AGTR1: variants seen among roughly 807,000 people sequenced by gnomAD.
AGTR1 encodes angiotensin II receptor type 1, also known as type-1 angiotensin II receptor.
AGTR1 carries 16 observed loss-of-function variants against 19.4 expected under a neutral mutation model. The ratio of observed to expected loss-of-function variants is 0.82; its 90% CI spans 0.56 to 1.25. AGTR1 has a LOEUF of 1.25. Among genes scored for constraint, AGTR1 ranks in the 50% most tolerant of loss-of-function variants. The pLI is 0.00. For synonymous variants in AGTR1, 153 were observed against 154.9 expected (o/e 0.99, Z 0.09); for missense variants, 373 against 431.9 (o/e 0.86, Z 1.21).
intron 1 of AGTR1, among the ~76,000 whole-genome samples, chr3:148,699,007 A>G (rs910307242): frequency 2.6e-5 from 4 of 150,978 alleles, no homozygotes; most frequent in African/African-American, 7.3e-5. Flanking sequence ...TTGGGCAACC[A>G]TTTGTGACCT....
At chr3:148,710,141 C>T (rs924843066) in intron 2 of AGTR1, among the ~76,000 whole-genome samples, 1 of 152,116 alleles carries the variant, frequency 6.6e-6, no homozygotes, top group Non-Finnish European at 1.5e-5. Flanking sequence ...CTGCTGTAAA[C>T]ACACTTATTA....
At chr3:148,725,414 T>C (rs1204203725) in intron 2 of AGTR1, among the ~76,000 whole-genome samples, 1 of 152,220 alleles carries the variant, frequency 6.6e-6, no homozygotes, top group Non-Finnish European at 1.5e-5. Context: ...TCTAACTTCA[T>C]TATAATCAAT....
intron 2 of AGTR1, among the ~76,000 whole-genome samples, chr3:148,721,788 A>G (rs540956690): frequency 2.6e-5 from 4 of 152,234 alleles, no homozygotes; most frequent in Non-Finnish European, 5.9e-5. Context: ...CTTGTGCTTC[A>G]GTGCATGTGG....
In AGTR1 at chr3:148,718,432, T is replaced by C. The variant is rs532450589; in HGVS notation, c.-48+10405T>C. ...GTAAATGGGATGCCTCATGTTCAGG[T>C]TTCTGGAAGGCTCAGAGCCTGGGCT... On this transcript the variant is annotated intron_variant, in intron 2 of 2. Coordinates refer to ENST00000349243, the MANE Select transcript of AGTR1 (RefSeq NM_000685.5). Among the ~76,000 whole-genome samples the C allele has an allele frequency of 2.1e-4, 32 of 152,276 alleles. No homozygotes were observed. The South Asian group carries it at 5.6e-3, about 27-fold the overall frequency.
At chr3:148,738,908 T>C (rs2107970974) in intron 2 of AGTR1, among the ~76,000 whole-genome samples, 1 of 152,322 alleles carries the variant, frequency 6.6e-6, no homozygotes, top group Non-Finnish European at 1.5e-5. Context: ...ATTCAGTCAC[T>C]CATTCATGAG....
At chr3:148,725,691 C>A (rs1464925526) in intron 2 of AGTR1, among the ~76,000 whole-genome samples, 1 of 152,066 alleles carries the variant, frequency 6.6e-6, no homozygotes, top group Non-Finnish European at 1.5e-5. Flanking sequence ...CCATGTTGGC[C>A]AGGCTGGTCT....
chr3:148,709,125 T>C lies in AGTR1; in HGVS notation c.-48+1098T>C, dbSNP rs949645667. ...GTTTTGTTTTGGGAGGTTTTTTTTC[T>C]GATTTTGTTTTTTTCAGGTATAGCG... is the stretch of plus-strand genomic sequence containing the variant. On this transcript the variant is annotated intron_variant, in intron 2 of 2. Transcript: ENST00000349243. Among the ~76,000 whole-genome samples the C allele has an allele frequency of 3.9e-5, 6 of 151,996 alleles. No individual in the cohort carries two copies. The East Asian group carries it at 1.2e-3, about 29-fold the overall frequency.
intron 2 of AGTR1, among the ~76,000 whole-genome samples, chr3:148,710,655 ACTT>A (rs1450120043): frequency 3.3e-5 from 5 of 152,170 alleles, no homozygotes; most frequent in African/African-American, 7.2e-5. Context: ...GGGGTAGAAT[ACTT>A]CTTATTTTAT....
At chr3:148,724,528 T>A (rs137897088) in intron 2 of AGTR1, among the ~76,000 whole-genome samples, 139 of 152,346 alleles carry the variant, frequency 9.1e-4, no homozygotes, top group African/African-American at 3.2e-3. Flanking sequence ...TAATTGTGTA[T>A]GTTTACCAGA....
chr3:148,726,893 GA>G (rs1713976580), intron 2 of AGTR1, among the ~76,000 whole-genome samples: 1 of 152,192 alleles, frequency 6.6e-6, no homozygotes, highest in Admixed American at 6.5e-5. Flanking sequence ...CATAGTAAGA[GA>G]ATAGAGTTCT....
intron 2 of AGTR1, among the ~76,000 whole-genome samples, chr3:148,714,536 A>G (rs879291615): frequency 3.9e-5 from 6 of 152,154 alleles, no homozygotes; most frequent in Admixed American, 2.6e-4. Context: ...CAAGTATTGA[A>G]GAGTATGAAC....
chr3:148,742,201 A>C lies in AGTR1; in HGVS notation c.*86A>C, dbSNP rs5186. ...TGCAGCACTTCACTACCAAATGAGC[A>C]TTAGCTACTTTTCAGAATTGAAGGA... On this transcript the variant is annotated 3_prime_UTR_variant, in exon 3 of 3. Coordinates refer to ENST00000349243, the MANE Select transcript of AGTR1 (RefSeq NM_000685.5). 0.26 allele frequency: 405,027 copies of C among 1,538,798 alleles called. 58,749 individuals are homozygous for C. The highest frequency in any genetic ancestry group is 0.3 in the Non-Finnish European group (334,721 of 1,112,328).
chr3:148,731,742 T>C (rs1714268645), intron 2 of AGTR1, among the ~76,000 whole-genome samples: 1 of 152,224 alleles, frequency 6.6e-6, no homozygotes, highest in African/African-American at 2.4e-5. Context: ...AGCAGACTCT[T>C]TGCCAGGACA....
intron 2 of AGTR1, among the ~76,000 whole-genome samples, chr3:148,730,662 G>T (rs1348725891): frequency 6.6e-6 from 1 of 152,182 alleles, no homozygotes; most frequent in African/African-American, 2.4e-5. Context: ...TGCCTACAGG[G>T]CAGTGCTTTT....
chr3:148,702,941 T>C (rs1387873610), intron 1 of AGTR1, among the ~76,000 whole-genome samples: 1 of 152,234 alleles, frequency 6.6e-6, no homozygotes, highest in Non-Finnish European at 1.5e-5. Context: ...AATGACAAAT[T>C]TGATGCTTTT....
intron 2 of AGTR1, chr3:148,739,883 C>T (rs1714776754): frequency 1.6e-6 from 2 of 1,231,954 alleles, no homozygotes; most frequent in East Asian, 3.2e-5. Context: ...GTGCCCAGCA[C>T]CACTGCCCAC....
At chr3:148,710,911 T>C (rs1341605017) in intron 2 of AGTR1, among the ~76,000 whole-genome samples, 1 of 152,124 alleles carries the variant, frequency 6.6e-6, no homozygotes, top group Non-Finnish European at 1.5e-5. Flanking sequence ...CCTCTCTCTC[T>C]TGCTCCTGCT....
At position 148,716,200 on chromosome 3, in the gene AGTR1, G is replaced by C. The variant is rs538749784; in HGVS notation, c.-48+8173G>C. 4.6e-5 allele frequency among the ~76,000 whole-genome samples: 7 copies of C among 152,238 alleles called. No individual in the cohort carries two copies. In the South Asian group the frequency reaches 1.5e-3, roughly 32 times the overall value. Reference sequence around the variant, plus strand: ...TTGTCCTCCTGGGCAGAGCTCCTCAGCTATACTCCCTTTCCTAGTCTACCC... The same window carrying C: ...TTGTCCTCCTGGGCAGAGCTCCTCACCTATACTCCCTTTCCTAGTCTACCC... On this transcript the variant is annotated intron_variant, in intron 2 of 2. Transcript: ENST00000349243. This position sits in a 1 kb window ranked among gnomAD's most constrained non-coding sequence, Gnocchi z 4.7.
chr3:148,708,763 A>C (rs2107931948), intron 2 of AGTR1, among the ~76,000 whole-genome samples: 1 of 152,300 alleles, frequency 6.6e-6, no homozygotes, highest in South Asian at 2.1e-4. Context: ...CTAACTAATA[A>C]GATTTCCCCA....
Sources: allele counts gnomAD v4.1 joint callset (sites outside exome capture counted in the v4.1 genomes callset), GRCh38; gene constraint gnomAD v4.1.1; non-coding constraint Gnocchi (gnomAD v3.1); transcripts MANE v1.5; gene names NCBI Gene and HGNC (gene_info 2026-07-23, HGNC 2026-07-21).